Variants in STT3A observed in about 807,000 individuals in gnomAD.
The protein encoded by STT3A is STT3 oligosaccharyltransferase complex catalytic subunit A.
In STT3A, 34 loss-of-function variants were observed where a neutral mutation model predicts 89.2. That is an observed-to-expected ratio of 0.38 (90% CI 0.29 to 0.51). The LOEUF is 0.51. STT3A is among the 20% of genes least tolerant of loss of function. STT3A has a pLI of 0.89. For synonymous variants in STT3A, 282 were observed against 310.3 expected (o/e 0.91, Z 0.96); for missense variants, 555 against 889.5 (o/e 0.62, Z 4.78).
Position 125,613,557 on chromosome 11 carries a change from CT to C in STT3A, c.1554+384del, listed in dbSNP as rs1940088014. 1 of 170,846 alleles carries C rather than the reference CT, an allele frequency of 5.9e-6. No homozygotes were observed. The highest frequency in any genetic ancestry group is 2.4e-5 in the African/African-American group (1 of 41,882). The allele number at this position is 170,846 out of a possible 1,614,324, so 10.6% of individuals were successfully genotyped here. ...TAAAGTGATCACCTTATGATAACTGCTTTTAACATTTTAATTTATATCTTTT... is the reference window on the plus strand; with the variant it reads ...TAAAGTGATCACCTTATGATAACTGCTTTAACATTTTAATTTATATCTTTT... On this transcript the variant is annotated intron_variant, in intron 13 of 17. Coordinates refer to ENST00000392708, the MANE Select transcript of STT3A (RefSeq NM_152713.5). The surrounding 1 kb of genome is among the most constrained non-coding windows in gnomAD (Gnocchi z 4.2).
At chr11:125,611,405 A>C in intron 10 of STT3A, 23 bp from the exon 11 acceptor site, 1 of 1,594,314 alleles carries the variant, frequency 6.3e-7, no homozygotes, top group Non-Finnish European at 8.6e-7. Context: ...TCAGCTGCTT[A>C]TTTCTCCTTC....
chr11:125,600,821 C>G (rs937385932), intron 3 of STT3A, among the ~76,000 whole-genome samples: 1 of 152,144 alleles, frequency 6.6e-6, no homozygotes, highest in Non-Finnish European at 1.5e-5. Flanking sequence ...GGGTCTTGCT[C>G]TGTTGCCCAG....
In STT3A at chr11:125,618,430, A is replaced by G. The variant is rs1345720909; in HGVS notation, c.1832A>G (p.His611Arg). Reference protein sequence around the residue: ...RIGGSTDTGKHIKENDYYTPT... With the variant: ...RIGGSTDTGKRIKENDYYTPT... The stretch of plus-strand genomic sequence containing the variant: ...GGAGGGAGCACAGATACAGGCAAAC[A>G]TATCAAGGAGAATGACTATTATACT... Residue 611 changes from histidine to arginine, a missense_variant, in exon 16 of 18, where the codon CAT becomes CGT. This residue lies in a region of STT3A where 273 missense variants were observed against 449.8 expected (regional missense o/e 0.61). Coordinates refer to ENST00000392708, the MANE Select transcript of STT3A (RefSeq NM_152713.5). 6.2e-7 allele frequency: 1 copy of G among 1,613,778 alleles called. No homozygotes were observed. Among genetic ancestry groups the G allele is most frequent in the Non-Finnish European group, 8.5e-7 (1 of 1,180,014 alleles).
intron 9 of STT3A, among the ~76,000 whole-genome samples, chr11:125,609,001 T>C (rs1486423298): frequency 6.6e-6 from 1 of 152,226 alleles, no homozygotes; most frequent in East Asian, 1.9e-4. Context: ...CATAGCTGTT[T>C]AGTTGGTTGG....
At chr11:125,597,292 G>A (rs984389471) in intron 3 of STT3A, among the ~76,000 whole-genome samples, 173 bp downstream of exon 3, 5 of 151,524 alleles carry the variant, frequency 3.3e-5, no homozygotes, top group African/African-American at 7.3e-5. Flanking sequence ...CTTTTAAGAC[G>A]TATGTGTTGG....
At chr11:125,617,702 G>T (rs1940218344) in intron 15 of STT3A, among the ~76,000 whole-genome samples, 1 of 152,192 alleles carries the variant, frequency 6.6e-6, no homozygotes, top group Non-Finnish European at 1.5e-5. Context: ...TTTTGCAGCT[G>T]TTGGTCAAGA....
At chr11:125,592,537 T>C (rs1393944679), upstream of STT3A, 1 of 452,580 alleles carries the variant, frequency 2.2e-6, no homozygotes, top group African/African-American at 2.0e-5. Flanking sequence ...GGCCGCGCCT[T>C]CCCACTGCGA....
intron 16 of STT3A, among the ~76,000 whole-genome samples, chr11:125,619,609 G>A (rs1940287616): frequency 6.6e-6 from 1 of 152,164 alleles, no homozygotes; most frequent in South Asian, 2.1e-4. Flanking sequence ...CTCTCCTTCT[G>A]ACTTCAATTT....
At chr11:125,600,409 G>A (rs1939637416) in intron 3 of STT3A, among the ~76,000 whole-genome samples, 1 of 151,958 alleles carries the variant, frequency 6.6e-6, no homozygotes, top group Admixed American at 6.6e-5. Context: ...TCACCAGGCT[G>A]GAGTGCAATG....
rs968472143 is a variant in STT3A, at chr11:125,614,170, A to G, written c.1638A>G (p.Thr546=). The change falls in exon 14 of 18, where the codon ACA becomes ACG. Residue 546 remains threonine (T), a synonymous_variant. Coordinates refer to ENST00000392708, the MANE Select transcript of STT3A (RefSeq NM_152713.5). The surrounding 1 kb of genome is among the most constrained non-coding windows in gnomAD (Gnocchi z 4.9). ...GAACAATTTTAGTGGACAATAACAC[A>G]TGGAATAATACCCATATTTCTCGAG... ...ANRTILVDNN[T]WNNTHISRVG... The G allele has an allele frequency of 1.2e-6, 2 of 1,614,216 alleles. No homozygotes were observed. The highest frequency in any genetic ancestry group is 8.5e-7 in the Non-Finnish European group (1 of 1,180,034).
chr11:125,599,703 C>T (rs570409287), intron 3 of STT3A, among the ~76,000 whole-genome samples: 8 of 148,888 alleles, frequency 5.4e-5, no homozygotes, highest in African/African-American at 2.0e-4. Context: ...ACTACTACAC[C>T]GGCCTCTTCT....
At chr11:125,598,299 G>A (rs948038363) in intron 3 of STT3A, among the ~76,000 whole-genome samples, 3 of 152,186 alleles carry the variant, frequency 2.0e-5, no homozygotes, top group Non-Finnish European at 2.9e-5. Context: ...TGGAGGAACC[G>A]TGATTTGAAT....
intron 16 of STT3A, among the ~76,000 whole-genome samples, chr11:125,619,071 AT>A (rs1450431180): frequency 6.9e-6 from 1 of 145,906 alleles, no homozygotes; most frequent in African/African-American, 2.6e-5. Context: ...GTTTTTTGAG[AT>A]GAAGTCTTGT....
In STT3A at chr11:125,608,111, T is replaced by C; in HGVS notation, c.783T>C (p.Pro261=). The C allele has an allele frequency of 1.9e-6, 3 of 1,603,138 alleles. No individual in the cohort carries two copies. The highest frequency in any genetic ancestry group is 4.5e-5 in the East Asian group (2 of 44,782). The stretch of plus-strand genomic sequence containing the variant: ...CATACATATCCTTTTACCTACAGCC[T>C]GTCCTTTCATCAGAGCACATGGCAG... ...SMQISFVGFQ[P]VLSSEHMAAF... The change falls in exon 9 of 18, where the codon CCT becomes CCC. Residue 261 remains proline (P), a splice_region_variant and synonymous_variant. Coordinates refer to ENST00000392708, the MANE Select transcript of STT3A (RefSeq NM_152713.5).
At chr11:125,596,531 A>C (rs980322281) in intron 2 of STT3A, among the ~76,000 whole-genome samples, 11 of 152,336 alleles carry the variant, frequency 7.2e-5, no homozygotes, top group African/African-American at 2.6e-4. Context: ...CTGTTTTCTC[A>C]TAGGGTTGAA....
rs188981656 is a variant in STT3A at position 125,610,609 on chromosome 11, T to C, written c.1118-819T>C. On this transcript the variant is annotated intron_variant, in intron 10 of 17. Coordinates refer to ENST00000392708, the MANE Select transcript of STT3A (RefSeq NM_152713.5). ...GTTCACATCAGTAATGCCAGCACTT[T>C]GGAAGGATGAGGTGGGAGGATTGCT... 442 of 151,952 alleles carry C rather than the reference T, an allele frequency of 2.9e-3. 3 individuals carry two copies. The highest frequency in any genetic ancestry group is 9.1e-3 in the East Asian group (47 of 5,170). The allele number at this position is 151,952 out of a possible 1,614,324, so 9.4% of individuals were successfully genotyped here.
rs1940323504 is a variant in STT3A at position 125,620,761 on chromosome 11, T to A, written c.2080-11T>A. On this transcript the variant is annotated splice_polypyrimidine_tract_variant and intron_variant, in intron 17 of 17. Transcript: ENST00000392708. ...GATTGTAAATATTAAACTGACATCT[T>A]TATGTTGCAGGTAAAGGACCTGGAT... 7.4e-6 allele frequency: 12 copies of A among 1,613,566 alleles called. No homozygotes were observed. The highest frequency in any genetic ancestry group is 1.0e-5 in the Non-Finnish European group (12 of 1,179,698).
Position 125,620,870 on chromosome 11 carries a change from AT to A in STT3A, c.*81del, listed in dbSNP as rs569634802. Reference sequence around the variant, plus strand: ...GCACATCACATTTAGGACGTTGAAGATTTTTTTTTTTTTTTTTTTTTAATAT... The same window carrying A: ...GCACATCACATTTAGGACGTTGAAGATTTTTTTTTTTTTTTTTTTTAATAT... On this transcript the variant is annotated 3_prime_UTR_variant, in exon 18 of 18. Transcript: ENST00000392708. 171,026 of 881,008 alleles carry A rather than the reference AT, an allele frequency of 0.19. 19 individuals carry two copies. Among genetic ancestry groups the A allele is most frequent in the South Asian group, 0.21 (9,726 of 46,910 alleles). The allele number at this position is 881,008 out of a possible 1,614,324, so 54.6% of individuals were successfully genotyped here. A position where few individuals can be genotyped will look rare whatever the true frequency, so the allele number is the denominator to read the frequency against.
intron 10 of STT3A, among the ~76,000 whole-genome samples, chr11:125,610,057 C>CTTTT (rs66578574): frequency 5.7e-5 from 6 of 106,036 alleles, no homozygotes; most frequent in African/African-American, 1.4e-4. Context: ...TAACTTTTAC[C>CTTTT]TTTTTTTTTT....
Sources: gnomAD v4.1 joint callset for allele counts (sites outside exome capture counted in the v4.1 genomes callset) on GRCh38, gnomAD v4.1.1 for gene constraint, gnomAD v4.1.1 regional missense constraint, Gnocchi (gnomAD v3.1) non-coding constraint, MANE v1.5 for transcripts, NCBI Gene and HGNC (gene_info 2026-07-23, HGNC 2026-07-21) for gene names.